Variants in TMEM117 observed in about 807,000 individuals in gnomAD.
TMEM117 encodes transmembrane protein 117.
TMEM117 carries 27 observed loss-of-function variants against 52.4 expected under a neutral mutation model. That is an observed-to-expected ratio of 0.51 (90% CI 0.38 to 0.71). TMEM117 has a LOEUF of 0.71. Among genes scored for constraint, TMEM117 ranks in the 30% least tolerant of loss-of-function variants. The pLI, the probability that TMEM117 is intolerant of heterozygous loss-of-function variation, is 0.00. For missense variants in TMEM117, 556 were observed against 630.5 expected, an observed-to-expected ratio of 0.88 and a Z score of 1.26; for synonymous variants, 215 against 206.3, an observed-to-expected ratio of 1.04 and a Z score of -0.36.
At chr12:44,259,785 G>T (rs2138536325) in intron 5 of TMEM117, among the ~76,000 whole-genome samples, 1 of 152,214 alleles carries the variant, frequency 6.6e-6, no homozygotes, top group African/African-American at 2.4e-5. Flanking sequence ...AAAAGCATTT[G>T]AAACATGTAT....
intron 1 of TMEM117, among the ~76,000 whole-genome samples, chr12:43,843,417 TG>T (rs1290649573): frequency 3.3e-5 from 5 of 152,204 alleles, no homozygotes; most frequent in Non-Finnish European, 7.3e-5. Flanking sequence ...GATCTCTTCA[TG>T]TGGAAGTTAC....
chr12:43,965,577 T>C (rs1945470852), intron 3 of TMEM117, among the ~76,000 whole-genome samples: 1 of 152,248 alleles, frequency 6.6e-6, no homozygotes, highest in African/African-American at 2.4e-5. Flanking sequence ...GTTTACTTTC[T>C]GTTTGATATT....
At chr12:44,265,021 C>T (rs1038553431) in intron 5 of TMEM117, among the ~76,000 whole-genome samples, 14 of 151,990 alleles carry the variant, frequency 9.2e-5, no homozygotes, top group African/African-American at 2.2e-4. Context: ...GATAAAGAAA[C>T]GAATGAGAAA....
intron 6 of TMEM117, among the ~76,000 whole-genome samples, chr12:44,366,497 C>T (rs1371966606): frequency 2.0e-5 from 3 of 152,134 alleles, no homozygotes; most frequent in Non-Finnish European, 1.5e-5. Context: ...TCTTTCCTTC[C>T]CTCTAACCTG....
chr12:44,045,231 C>T (rs1946862114), intron 3 of TMEM117, among the ~76,000 whole-genome samples: 1 of 152,162 alleles, frequency 6.6e-6, no homozygotes, highest in Non-Finnish European at 1.5e-5. Context: ...TTCCACTCAC[C>T]AAGGCTGACC....
chr12:44,056,698 A>G (rs762825870), intron 3 of TMEM117, among the ~76,000 whole-genome samples: 1 of 152,162 alleles, frequency 6.6e-6, no homozygotes, highest in African/African-American at 2.4e-5. Context: ...TACACCTGAT[A>G]ACAATTACTA....
chr12:44,107,800 G>A (rs956486848), intron 3 of TMEM117, among the ~76,000 whole-genome samples: 3 of 151,958 alleles, frequency 2.0e-5, no homozygotes, highest in Non-Finnish European at 4.4e-5. Flanking sequence ...TGTTTTCTTT[G>A]TGGACAGATG....
At chr12:44,086,589 G>A (rs556237782) in intron 3 of TMEM117, among the ~76,000 whole-genome samples, 2 of 151,946 alleles carry the variant, frequency 1.3e-5, no homozygotes, top group Non-Finnish European at 2.9e-5. Flanking sequence ...TCTGCATGCT[G>A]GCCTTCAACT....
At chr12:43,889,004 GT>G (rs1335474186) in intron 2 of TMEM117, among the ~76,000 whole-genome samples, 2 of 152,146 alleles carry the variant, frequency 1.3e-5, no homozygotes, top group East Asian at 1.9e-4. Flanking sequence ...GTGGAAGACA[GT>G]TTTTTCAGTG....
At chr12:44,183,477 G>T (rs1470362846) in intron 4 of TMEM117, among the ~76,000 whole-genome samples, 2 of 152,148 alleles carry the variant, frequency 1.3e-5, no homozygotes, top group African/African-American at 4.8e-5. Context: ...ACATGTTTTT[G>T]CCTGGTTCCT....
the TMEM117 span, chr12:43,798,554 C>T: frequency 9.9e-6 from 15 of 1,519,376 alleles, no homozygotes; most frequent in South Asian, 1.2e-5. Flanking sequence ...AGAACATATG[C>T]GAATGCATAC....
upstream of TMEM117, among the ~76,000 whole-genome samples, chr12:43,835,480 A>ATGTGTG (rs142143920): frequency 4.5e-3 from 681 of 150,276 alleles, 6 homozygotes; most frequent in African/African-American, 0.016. Context: ...ATGTGTGCAT[A>ATGTGTG]TGTGTGTGTG....
At chr12:44,286,871 A>G (rs74084469) in intron 5 of TMEM117, among the ~76,000 whole-genome samples, 5,915 of 152,248 alleles carry the variant, frequency 0.039, 389 homozygotes, top group African/African-American at 0.13. Flanking sequence ...AACAGAAAAA[A>G]GGTGGTCTAC....
intron 5 of TMEM117, among the ~76,000 whole-genome samples, chr12:44,234,207 A>G (rs79986631): frequency 1.6e-4 from 25 of 151,532 alleles, no homozygotes; most frequent in Admixed American, 5.9e-4. Flanking sequence ...GTATAACTCA[A>G]TGAAGGCATT....
intron 4 of TMEM117, among the ~76,000 whole-genome samples, chr12:44,191,779 ATTAATAATCCATGAGTATT>A (rs1436092543): frequency 6.6e-5 from 10 of 152,188 alleles, no homozygotes; most frequent in African/African-American, 2.2e-4. Context: ...GGGGCACAGA[ATTAATAATCCATGAGTATT>A]TAGTAAACTG....
At chr12:43,920,549 CTTTTTTT>C (rs60359835) in intron 2 of TMEM117, among the ~76,000 whole-genome samples, 1 of 86,058 alleles carries the variant, frequency 1.2e-5, no homozygotes, top group Non-Finnish European at 2.4e-5. Context: ...CCTAGAGGGC[CTTTTTTT>C]TTTTTTTTTT....
intron 3 of TMEM117, among the ~76,000 whole-genome samples, chr12:44,086,658 G>C (rs1312971555): frequency 2.0e-5 from 3 of 151,986 alleles, no homozygotes; most frequent in Admixed American, 6.6e-5. Flanking sequence ...CAAGTCCCAA[G>C]CAAAATTCTA....
intron 4 of TMEM117, among the ~76,000 whole-genome samples, chr12:44,152,477 A>C (rs1345936957): frequency 1.8e-5 from 2 of 109,974 alleles, no homozygotes; most frequent in Non-Finnish European, 3.3e-5. Flanking sequence ...TAATTATATC[A>C]TATATAAATT....
chr12:44,294,785 A>G (rs1950746773), intron 5 of TMEM117, among the ~76,000 whole-genome samples: 1 of 152,228 alleles, frequency 6.6e-6, no homozygotes, highest in Non-Finnish European at 1.5e-5. Context: ...ATCCTGGAAA[A>G]AGGGATAATC....
Sources: allele counts gnomAD v4.1 joint callset (sites outside exome capture counted in the v4.1 genomes callset), GRCh38; gene constraint gnomAD v4.1.1; transcripts MANE v1.5; gene names NCBI Gene and HGNC (gene_info 2026-07-23, HGNC 2026-07-21).